Variants in GRID2 observed in about 807,000 individuals in gnomAD.
GRID2 encodes glutamate receptor ionotropic, delta-2.
GRID2 carries 33 observed loss-of-function variants against 114.8 expected under a neutral mutation model. That is an observed-to-expected ratio of 0.29 (90% CI 0.22 to 0.38). GRID2 has a LOEUF of 0.38. GRID2 is among the 10% of genes least tolerant of loss of function. The pLI is 1.00. For missense variants in GRID2, 1,184 were observed against 1,257.7 expected (o/e 0.94, Z 0.89); for synonymous variants, 505 against 449.9 (o/e 1.12, Z -1.55).
intron 4 of GRID2, among the ~76,000 whole-genome samples, chr4:93,153,726 G>A (rs559442985): frequency 1.3e-5 from 2 of 152,178 alleles, no homozygotes; most frequent in East Asian, 3.9e-4. Context: ...CCATCCTGGA[G>A]AATTCCGGTT....
intron 14 of GRID2, among the ~76,000 whole-genome samples, chr4:93,693,334 G>A (rs7677278): frequency 0.56 from 85,086 of 151,836 alleles, 24,358 homozygotes; most frequent in East Asian, 0.72. Flanking sequence ...CATCTGCTTC[G>A]CCGTACTAGA....
intron 10 of GRID2, among the ~76,000 whole-genome samples, chr4:93,444,393 A>T (rs2149396110): frequency 6.6e-6 from 1 of 152,134 alleles, no homozygotes; most frequent in Admixed American, 6.6e-5. Context: ...ACAGTGTAGC[A>T]ATAAGGCTTA....
chr4:92,498,454 A>G (rs963897097), intron 1 of GRID2, among the ~76,000 whole-genome samples: 5 of 151,968 alleles, frequency 3.3e-5, no homozygotes, highest in Non-Finnish European at 1.5e-5. Context: ...TAAATAACAA[A>G]GCTAAAAACT....
chr4:93,259,053 A>G (rs1038366364), intron 8 of GRID2: 4 of 356,052 alleles, frequency 1.1e-5, no homozygotes, highest in Admixed American at 3.5e-5. Flanking sequence ...AAAAAAAAGT[A>G]TTATAGAGAT....
chr4:92,570,596 GT>G (rs1727561712), intron 1 of GRID2, among the ~76,000 whole-genome samples: 1 of 152,068 alleles, frequency 6.6e-6, no homozygotes, highest in African/African-American at 2.4e-5. Flanking sequence ...AGCATGAAAT[GT>G]TTTTCCATTT....
chr4:93,107,926 A>G (rs1250554868), intron 3 of GRID2, among the ~76,000 whole-genome samples: 2 of 152,162 alleles, frequency 1.3e-5, no homozygotes, highest in Non-Finnish European at 2.9e-5. Context: ...TGTATTTTGA[A>G]TAAAATTAAA....
At chr4:92,848,266 A>C (rs1743489755) in intron 2 of GRID2, among the ~76,000 whole-genome samples, 1 of 150,558 alleles carries the variant, frequency 6.6e-6, no homozygotes, top group Non-Finnish European at 1.5e-5. Context: ...ATTTACCAGC[A>C]CTCAACTAGT....
At chr4:92,484,950 T>C (rs980851199) in intron 1 of GRID2, among the ~76,000 whole-genome samples, 3 of 152,076 alleles carry the variant, frequency 2.0e-5, no homozygotes, top group Non-Finnish European at 2.9e-5. Context: ...GAGGATTACA[T>C]GGAAAACTTC....
chr4:92,420,022 A>G (rs925750932), intron 1 of GRID2, among the ~76,000 whole-genome samples: 2 of 152,158 alleles, frequency 1.3e-5, no homozygotes, highest in African/African-American at 4.8e-5. Context: ...ACAAATATAT[A>G]GTCTTGACAT....
At position 93,672,004 on chromosome 4, in the gene GRID2, A is replaced by G. The variant is rs185169423; in HGVS notation, c.2360+45569A>G. 1.2e-3 allele frequency among the ~76,000 whole-genome samples: 156 copies of G among 132,630 alleles called. 1 individual carries two copies. The highest frequency in any genetic ancestry group is 4.1e-3 in the Admixed American group (56 of 13,568). The allele number at this position is 132,630 out of a possible 152,430, so 87.0% of individuals were successfully genotyped here. Reference sequence around the variant, plus strand: ...AATAATAATGATAAAATAAAAAAATATAATAAACCAGAGCATTCTTAAACA... The same window carrying G: ...AATAATAATGATAAAATAAAAAAATGTAATAAACCAGAGCATTCTTAAACA... On this transcript the variant is annotated intron_variant, in intron 14 of 15. Coordinates refer to ENST00000282020, the MANE Select transcript of GRID2 (RefSeq NM_001510.4).
intron 2 of GRID2, among the ~76,000 whole-genome samples, chr4:92,961,729 T>G (rs1447548206): frequency 6.6e-6 from 1 of 151,690 alleles, no homozygotes; most frequent in Non-Finnish European, 1.5e-5. Context: ...TTGAAGAAAT[T>G]CTTGGTCGTG....
chr4:92,340,998 C>A (rs1727451795), intron 1 of GRID2, among the ~76,000 whole-genome samples: 1 of 151,570 alleles, frequency 6.6e-6, no homozygotes, highest in African/African-American at 2.4e-5. Context: ...TTGTGATAAG[C>A]AAATATTATA....
At chr4:93,201,526 T>C (rs62309155) in intron 4 of GRID2, among the ~76,000 whole-genome samples, 13,093 of 152,258 alleles carry the variant, frequency 0.086, 662 homozygotes, top group East Asian at 0.25. Context: ...ACACCTGATA[T>C]CTTTGCTGCT....
chr4:93,704,152 C>T (rs1727780608), intron 14 of GRID2, among the ~76,000 whole-genome samples: 1 of 152,138 alleles, frequency 6.6e-6, no homozygotes, highest in South Asian at 2.1e-4. Flanking sequence ...TCCTCTCCAG[C>T]ACCTGTTGTT....
intron 1 of GRID2, among the ~76,000 whole-genome samples, chr4:92,331,292 GTGCCAGTGGATAAGCAGTCTGAAAT>G (rs1726876344): frequency 6.6e-6 from 1 of 152,174 alleles, no homozygotes; most frequent in Non-Finnish European, 1.5e-5. Context: ...ACCACAAAAA[GTGCCAGTGGATAAGCAGTCTGAAAT>G]TTAGACATTA....
At chr4:92,571,024 C>T (rs547076085) in intron 1 of GRID2, among the ~76,000 whole-genome samples, 10 of 151,986 alleles carry the variant, frequency 6.6e-5, no homozygotes, top group Non-Finnish European at 1.2e-4. Context: ...TGTCTTGTGC[C>T]GGTTTTACAA....
chr4:93,772,041 G>A, intron 15 of GRID2, 35 bp from the exon 16 acceptor site: 1 of 1,341,018 alleles, frequency 7.5e-7, no homozygotes, highest in African/African-American at 1.4e-5. Context: ...AGCTAGTACT[G>A]ATGAGAACCT....
intron 14 of GRID2, among the ~76,000 whole-genome samples, chr4:93,703,371 T>A (rs978980188): frequency 6.6e-6 from 1 of 152,168 alleles, no homozygotes; most frequent in African/African-American, 2.4e-5. Flanking sequence ...ATCTATCACC[T>A]CAAGCATCTA....
At chr4:93,646,518 G>T (rs1394582245) in intron 14 of GRID2, among the ~76,000 whole-genome samples, 2 of 152,126 alleles carry the variant, frequency 1.3e-5, no homozygotes, top group Non-Finnish European at 2.9e-5. Context: ...GAAAAACATA[G>T]TAAAGACTTA....
Sources: gnomAD v4.1 joint callset for allele counts (sites outside exome capture counted in the v4.1 genomes callset) on GRCh38, gnomAD v4.1.1 for gene constraint, MANE v1.5 for transcripts, NCBI Gene and HGNC (gene_info 2026-07-23, HGNC 2026-07-21) for gene names.